The following FILIP1L variants were observed in gnomAD, a reference collection of about 807,000 sequenced individuals.
The protein encoded by FILIP1L is filamin A interacting protein 1 like.
Under a neutral mutation model 96.6 loss-of-function variants are expected in FILIP1L, and 55 were observed. The observed-to-expected ratio is 0.57, with a 90% CI of 0.46 to 0.71. FILIP1L has a LOEUF of 0.71. Among genes scored for constraint, FILIP1L ranks in the 30% least tolerant of loss-of-function variants. The probability of loss-of-function intolerance (pLI) is 0.00; values close to 1 mark genes in which losing one functional copy is unlikely to be tolerated. For missense variants in FILIP1L, 1,304 were observed against 1,321.2 expected (o/e 0.99, Z 0.20); for synonymous variants, 467 against 473.9 (o/e 0.99, Z 0.19).
At chr3:100,054,321 G>A (rs2065423824) in intron 1 of FILIP1L, among the ~76,000 whole-genome samples, 1 of 152,110 alleles carries the variant, frequency 6.6e-6, no homozygotes, top group Non-Finnish European at 1.5e-5. Context: ...ATTTCACAAA[G>A]AAATTGAGAT....
chr3:100,007,916 A>T lies in FILIP1L; in HGVS notation c.-10-76886T>A, dbSNP rs545456195. Among the ~76,000 whole-genome samples, 8 of 152,310 alleles carry T rather than the reference A, an allele frequency of 5.3e-5. No individual in the cohort carries two copies. In the South Asian group the frequency reaches 1.2e-3, roughly 24 times the overall value. On this transcript the variant is annotated intron_variant, in intron 1 of 5. Transcript: ENST00000477258. ...ACCCACTGGGTAATGCATTGCATAT[A>T]GTTACTAGTTTTTAAAATAGTTAAC...
chr3:99,917,644 T>C lies in FILIP1L; in HGVS notation c.605+6586A>G, dbSNP rs7626214. Among the ~76,000 whole-genome samples, 687 of 152,340 alleles carry C rather than the reference T, an allele frequency of 4.5e-3. 7 individuals are homozygous for C. The highest frequency in any genetic ancestry group is 0.016 in the African/African-American group (673 of 41,582). On this transcript the variant is annotated intron_variant, in intron 4 of 5. Transcript: ENST00000477258. ...TAATTTTTTATAGTTATCTGGTAGA[T>C]TGATTCATGGTGGTTGTATTAACAG...
intron 5 of FILIP1L, among the ~76,000 whole-genome samples, chr3:99,846,915 G>A (rs1013927192): frequency 3.9e-5 from 6 of 152,180 alleles, no homozygotes; most frequent in African/African-American, 1.2e-4. Context: ...TGAAATCGTC[G>A]TTTTGGAATG....
chr3:100,016,888 A>T (rs1316057145), intron 1 of FILIP1L, among the ~76,000 whole-genome samples: 2 of 152,246 alleles, frequency 1.3e-5, no homozygotes, highest in Non-Finnish European at 2.9e-5. Flanking sequence ...AGTGAGAATT[A>T]GTTGTGTCCA....
In FILIP1L at chr3:100,075,359, C is replaced by T. The variant is rs146137307; in HGVS notation, c.-11+38694G>A. Among the ~76,000 whole-genome samples, 761 of 152,290 alleles carry T rather than the reference C, an allele frequency of 5.0e-3. 5 individuals carry two copies. The highest frequency in any genetic ancestry group is 0.017 in the African/African-American group (716 of 41,548). On this transcript the variant is annotated intron_variant, in intron 1 of 5. Coordinates refer to ENST00000477258, the MANE Select transcript of FILIP1L (RefSeq NM_001387850.1). ...ACAGTCTGGTTCTCATCCTCGTGTC[C>T]TTTACCCTACAGGAGAGAAGGGCTT...
intron 1 of FILIP1L, among the ~76,000 whole-genome samples, chr3:100,022,673 T>A (rs1207827576): frequency 6.6e-6 from 1 of 152,244 alleles, no homozygotes; most frequent in Non-Finnish European, 1.5e-5. Context: ...CCATTCTGCC[T>A]GACTCAGCTG....
Position 100,023,768 on chromosome 3 carries a change from G to A in FILIP1L, c.-11+90285C>T, listed in dbSNP as rs116752820. Among the ~76,000 whole-genome samples, 1,239 of 152,222 alleles carry A rather than the reference G, an allele frequency of 8.1e-3. 20 individuals carry two copies. The highest frequency in any genetic ancestry group is 0.021 in the Admixed American group (317 of 15,268). ...CATTGCAAACTAGTATTTCTACCTA[G>A]AACTACTCCTGCTCTGCATGTCTTA... On this transcript the variant is annotated intron_variant, in intron 1 of 5. Coordinates refer to ENST00000477258, the MANE Select transcript of FILIP1L (RefSeq NM_001387850.1).
intron 1 of FILIP1L, among the ~76,000 whole-genome samples, chr3:99,950,563 G>A (rs1212988485): frequency 2.0e-5 from 3 of 151,934 alleles, no homozygotes; most frequent in Admixed American, 6.6e-5. Flanking sequence ...TTCATTCATC[G>A]GATAGTATAC....
intron 4 of FILIP1L, among the ~76,000 whole-genome samples, chr3:99,880,616 T>G (rs1029751129): frequency 6.6e-6 from 1 of 152,202 alleles, no homozygotes; most frequent in African/African-American, 2.4e-5. Context: ...CCTTTGTTAT[T>G]AAAACATTAA....
chr3:100,042,178 G>A, intron 1 of FILIP1L, among the ~76,000 whole-genome samples: 1 of 152,112 alleles, frequency 6.6e-6, no homozygotes, highest in East Asian at 1.9e-4. Context: ...AAAAATTGTG[G>A]CAGTAGATGA....
At chr3:99,864,277 G>A (rs1456250893) in intron 4 of FILIP1L, among the ~76,000 whole-genome samples, 1 of 152,058 alleles carries the variant, frequency 6.6e-6, no homozygotes, top group African/African-American at 2.4e-5. Context: ...CATCATTATG[G>A]TGGCCCTGGA....
At chr3:100,023,879 A>G (rs2064871270) in intron 1 of FILIP1L, among the ~76,000 whole-genome samples, 1 of 152,200 alleles carries the variant, frequency 6.6e-6, no homozygotes, top group Non-Finnish European at 1.5e-5. Context: ...CTCATCAAAT[A>G]ATTTTAGCAA....
At chr3:99,923,366 A>G (rs1707183665) in intron 4 of FILIP1L, among the ~76,000 whole-genome samples, 1 of 152,160 alleles carries the variant, frequency 6.6e-6, no homozygotes, top group African/African-American at 2.4e-5. Flanking sequence ...ACCAGGACTC[A>G]TCTCCTACCT....
At chr3:99,870,507 C>T (rs1003383559) in intron 4 of FILIP1L, among the ~76,000 whole-genome samples, 4 of 152,090 alleles carry the variant, frequency 2.6e-5, no homozygotes, top group Admixed American at 2.6e-4. Context: ...AGTTGTTGTC[C>T]AAGAGCTGCT....
At chr3:99,900,566 A>G (rs764304802) in intron 4 of FILIP1L, among the ~76,000 whole-genome samples, 17 of 152,362 alleles carry the variant, frequency 1.1e-4, no homozygotes, top group Middle Eastern at 3.4e-3. Flanking sequence ...CTTTAGCCCT[A>G]TGTTATAACT....
intron 1 of FILIP1L, among the ~76,000 whole-genome samples, chr3:100,100,360 T>C (rs1280503616): frequency 1.3e-5 from 2 of 152,218 alleles, no homozygotes; most frequent in Admixed American, 6.5e-5. Context: ...GAATGTACCA[T>C]GTACTATACT....
chr3:99,845,477 A>G (rs796978), intron 5 of FILIP1L, among the ~76,000 whole-genome samples: 108,215 of 151,896 alleles, frequency 0.71, 38,845 homozygotes, highest in East Asian at 0.81. Context: ...AAAGAATACA[A>G]CCCTCCACCC....
At chr3:99,930,423 C>T (rs1707440400) in intron 2 of FILIP1L, among the ~76,000 whole-genome samples, 1 of 152,162 alleles carries the variant, frequency 6.6e-6, no homozygotes, top group Non-Finnish European at 1.5e-5. Context: ...AGCCAGTTCA[C>T]TTGGGGTACA....
intron 5 of FILIP1L, among the ~76,000 whole-genome samples, chr3:99,843,748 C>T (rs987475497): frequency 1.9e-4 from 29 of 152,186 alleles, no homozygotes; most frequent in East Asian, 1.9e-4. Flanking sequence ...CCCTGGGCCA[C>T]GGACTGGTAG....
Sources: allele counts gnomAD v4.1 joint callset (sites outside exome capture counted in the v4.1 genomes callset), GRCh38; gene constraint gnomAD v4.1.1; transcripts MANE v1.5; gene names NCBI Gene and HGNC (gene_info 2026-07-23, HGNC 2026-07-21).